CHCHD3: variants seen among roughly 807,000 people sequenced by gnomAD.
The protein encoded by CHCHD3 is coiled-coil-helix-coiled-coil-helix domain containing 3.
In CHCHD3, 20 loss-of-function variants were observed where a neutral mutation model predicts 38.2. The observed-to-expected ratio is 0.52, with a 90% CI of 0.37 to 0.76. The LOEUF (loss-of-function observed/expected upper bound fraction) is 0.76. CHCHD3 is among the 30% of genes least tolerant of loss of function. CHCHD3 has a pLI of 0.00. For missense variants in CHCHD3, 245 were observed against 279.2 expected (o/e 0.88, Z 0.87); for synonymous variants, 82 against 100.0 (o/e 0.82, Z 1.07).
intron 4 of CHCHD3, among the ~76,000 whole-genome samples, chr7:132,893,161 C>CA (rs1809410505): frequency 1.3e-5 from 2 of 152,176 alleles, no homozygotes; most frequent in South Asian, 4.1e-4. Flanking sequence ...CAGTACCCTG[C>CA]AAAAACACAG....
intron 5 of CHCHD3, among the ~76,000 whole-genome samples, chr7:132,872,150 G>A (rs1808781616): frequency 1.3e-5 from 2 of 152,200 alleles, no homozygotes; most frequent in Admixed American, 1.3e-4. Context: ...TTTTGAGGCA[G>A]AGCCTGGGGA....
intron 6 of CHCHD3, among the ~76,000 whole-genome samples, chr7:132,833,935 G>A (rs575418280): frequency 2.4e-4 from 37 of 152,208 alleles, no homozygotes; most frequent in African/African-American, 7.7e-4. Flanking sequence ...CTGTAACCAA[G>A]ATGCACATAA....
chr7:132,859,668 T>C (rs1489909977), intron 5 of CHCHD3, among the ~76,000 whole-genome samples: 1 of 152,210 alleles, frequency 6.6e-6, no homozygotes, highest in Non-Finnish European at 1.5e-5. Context: ...ACTGCTTCCC[T>C]GGATAAATTA....
chr7:133,057,274 A>G (rs1814368105), intron 2 of CHCHD3, among the ~76,000 whole-genome samples: 2 of 152,232 alleles, frequency 1.3e-5, no homozygotes, highest in African/African-American at 4.8e-5. Context: ...AAAAAGTTTC[A>G]GTTCAGGCCA....
rs189067108 is a variant in CHCHD3 at position 132,835,836 on chromosome 7, C to A, written c.524+2563G>T. ...AGATAATTAAATTGTAGTGAGGTCA[C>A]AAGGGAGGGTTTTAGTCTAATATGA... On this transcript the variant is annotated intron_variant, in intron 6 of 7. Coordinates refer to ENST00000262570, the MANE Select transcript of CHCHD3 (RefSeq NM_017812.4). Among the ~76,000 whole-genome samples the A allele has an allele frequency of 8.0e-3, 1,215 of 152,134 alleles. 20 individuals carry two copies. Among genetic ancestry groups the A allele is most frequent in the African/African-American group, 0.028 (1,150 of 41,500 alleles).
At chr7:132,947,637 A>T (rs1213422764) in intron 4 of CHCHD3, among the ~76,000 whole-genome samples, 1 of 152,060 alleles carries the variant, frequency 6.6e-6, no homozygotes, top group Non-Finnish European at 1.5e-5. Context: ...TTTAAAAGTT[A>T]CACTTTGAAA....
rs569581011 is a variant in CHCHD3 at position 133,034,320 on chromosome 7, G to T, written c.170-9693C>A. 2.8e-3 allele frequency among the ~76,000 whole-genome samples: 428 copies of T among 152,088 alleles called. 1 individual carries two copies. The highest frequency in any genetic ancestry group is 4.7e-3 in the Non-Finnish European group (319 of 67,996). On this transcript the variant is annotated intron_variant, in intron 2 of 7. Coordinates refer to ENST00000262570, the MANE Select transcript of CHCHD3 (RefSeq NM_017812.4). ...CCTTTTTGAAATTAAGGAAGTGAGG[G>T]TATAATAAGAAATAATTTCTCTATA...
intron 2 of CHCHD3, chr7:133,036,103 G>C: frequency 4.7e-6 from 3 of 641,808 alleles, no homozygotes; most frequent in Non-Finnish European, 8.3e-6. Context: ...TTCCTTTAGG[G>C]GAATTTTCTT....
At chr7:132,997,162 C>T (rs1812441444) in intron 3 of CHCHD3, among the ~76,000 whole-genome samples, 1 of 152,126 alleles carries the variant, frequency 6.6e-6, no homozygotes, top group South Asian at 2.1e-4. Flanking sequence ...CACTATGCCA[C>T]CTTCATTATT....
At chr7:132,903,743 A>G (rs1260878981) in intron 4 of CHCHD3, among the ~76,000 whole-genome samples, 1 of 152,220 alleles carries the variant, frequency 6.6e-6, no homozygotes, top group East Asian at 1.9e-4. Flanking sequence ...CTTAAAACTC[A>G]TCTTACTGTG....
At chr7:133,053,929 A>C (rs778113955) in intron 2 of CHCHD3, among the ~76,000 whole-genome samples, 4 of 152,226 alleles carry the variant, frequency 2.6e-5, no homozygotes, top group Non-Finnish European at 5.9e-5. Context: ...CACAGAAACC[A>C]CTAGTCCCCA....
intron 1 of CHCHD3, among the ~76,000 whole-genome samples, chr7:133,071,667 C>T (rs1445434648): frequency 6.6e-6 from 1 of 152,156 alleles, no homozygotes; most frequent in African/African-American, 2.4e-5. Context: ...TTCATAGCAG[C>T]ATTATTCATA....
chr7:132,845,708 G>C (rs1270105196), intron 5 of CHCHD3, among the ~76,000 whole-genome samples: 1 of 152,170 alleles, frequency 6.6e-6, no homozygotes, highest in East Asian at 1.9e-4. Flanking sequence ...TTCTCAAACT[G>C]ATTTGCTCAT....
chr7:132,983,604 G>A (rs575183538), intron 3 of CHCHD3, among the ~76,000 whole-genome samples: 49 of 152,264 alleles, frequency 3.2e-4, no homozygotes, highest in African/African-American at 1.1e-3. Flanking sequence ...AGTAAAAAGT[G>A]ATCTTTTGAG....
Position 133,035,763 on chromosome 7 carries a change from A to C in CHCHD3, c.170-11136T>G, listed in dbSNP as rs1813656023. The stretch of plus-strand genomic sequence containing the variant: ...AAATGCTGGGACCTTGCCGGCAGGA[A>C]ATTTGCGAAGAAATTCAGAGGTGCG... On this transcript the variant is annotated intron_variant, in intron 2 of 7. Transcript: ENST00000262570. This position sits in a 1 kb window ranked among gnomAD's most constrained non-coding sequence, Gnocchi z 4.7. 1.4e-5 allele frequency: 23 copies of C among 1,613,184 alleles called. No homozygotes were observed. The South Asian group carries it at 1.9e-4, about 13-fold the overall frequency.
intron 5 of CHCHD3, among the ~76,000 whole-genome samples, chr7:132,878,119 G>T (rs1209072269): frequency 6.6e-6 from 1 of 152,132 alleles, no homozygotes. Context: ...GACTAATTGT[G>T]AATCCATCCT....
intron 4 of CHCHD3, among the ~76,000 whole-genome samples, chr7:132,912,428 AT>A (rs1387275183): frequency 6.6e-6 from 1 of 152,202 alleles, no homozygotes; most frequent in African/African-American, 2.4e-5. Context: ...ATGGGAGTAA[AT>A]TACATGTTAG....
intron 3 of CHCHD3, among the ~76,000 whole-genome samples, chr7:132,992,509 T>C (rs531086522): frequency 9.2e-5 from 14 of 152,206 alleles, no homozygotes; most frequent in Non-Finnish European, 1.9e-4. Flanking sequence ...GGAGCTGCAA[T>C]GTCCAATACA....
Position 133,082,077 on chromosome 7 carries a change from A to G in CHCHD3, c.-140T>C. 1 of 735,832 alleles carries G rather than the reference A, an allele frequency of 1.4e-6. No homozygotes were observed. The highest frequency in any genetic ancestry group is 2.1e-6 in the Non-Finnish European group (1 of 467,128). The allele number at this position is 735,832 out of a possible 1,614,324, so 45.6% of individuals were successfully genotyped here. A position where few individuals can be genotyped will look rare whatever the true frequency, so the allele number is the denominator to read the frequency against. On this transcript the variant is annotated 5_prime_UTR_variant, in exon 1 of 8. Coordinates refer to ENST00000262570, the MANE Select transcript of CHCHD3 (RefSeq NM_017812.4). The stretch of plus-strand genomic sequence containing the variant: ...GGCCACGACCCCCAGAAGCAAGGAG[A>G]AGGCGCCGGTCCTGAGCTCCCGCCT...
Sources: gnomAD v4.1 joint callset for allele counts (sites outside exome capture counted in the v4.1 genomes callset) on GRCh38, gnomAD v4.1.1 for gene constraint, Gnocchi (gnomAD v3.1) non-coding constraint, MANE v1.5 for transcripts, NCBI Gene and HGNC (gene_info 2026-07-23, HGNC 2026-07-21) for gene names.